NEGR1: variants seen among roughly 807,000 people sequenced by gnomAD.
NEGR1 encodes the protein neuronal growth regulator 1, also known as IgLON family member 4.
In NEGR1, 10 loss-of-function variants were observed where a neutral mutation model predicts 40.9. The ratio of observed to expected loss-of-function variants is 0.24; its 90% CI spans 0.15 to 0.42. The LOEUF is 0.42. NEGR1 is among the 10% of genes least tolerant of loss of function. The pLI is 1.00. For synonymous variants in NEGR1, 185 were observed against 166.8 expected (o/e 1.11, Z -0.84); for missense variants, 352 against 438.9 (o/e 0.80, Z 1.77).
chr1:71,474,224 A>C, intron 6 of NEGR1, among the ~76,000 whole-genome samples: 1 of 151,696 alleles, frequency 6.6e-6, no homozygotes, highest in Non-Finnish European at 1.5e-5. Context: ...AGAACACAGA[A>C]AGTGGTTTAT....
At chr1:71,659,627 A>C (rs1243302926) in intron 4 of NEGR1, among the ~76,000 whole-genome samples, 1 of 152,162 alleles carries the variant, frequency 6.6e-6, no homozygotes, top group Non-Finnish European at 1.5e-5. Flanking sequence ...TTAAATTTAC[A>C]AGAGAAGAAC....
At chr1:71,967,547 A>C (rs554547355) in intron 1 of NEGR1, among the ~76,000 whole-genome samples, 1 of 152,194 alleles carries the variant, frequency 6.6e-6, no homozygotes, top group African/African-American at 2.4e-5. Context: ...CATGATTATA[A>C]TTTTTATAGA....
At chr1:72,153,685 CAT>C (rs1651250935) in intron 1 of NEGR1, among the ~76,000 whole-genome samples, 1 of 151,832 alleles carries the variant, frequency 6.6e-6, no homozygotes, top group East Asian at 1.9e-4. Flanking sequence ...AGAAATTATT[CAT>C]AGACTCATTT....
intron 1 of NEGR1, among the ~76,000 whole-genome samples, chr1:72,251,148 T>C (rs1235926391): frequency 3.3e-5 from 5 of 152,216 alleles, no homozygotes; most frequent in Admixed American, 3.3e-4. Context: ...CTAGAAATTC[T>C]CTTGTGACTG....
intron 1 of NEGR1, among the ~76,000 whole-genome samples, chr1:72,223,601 A>C (rs1229914503): frequency 6.6e-6 from 1 of 152,116 alleles, no homozygotes; most frequent in African/African-American, 2.4e-5. Flanking sequence ...TCTCCTTATA[A>C]ATGCAAAAAG....
intron 1 of NEGR1, among the ~76,000 whole-genome samples, chr1:72,057,976 C>T (rs150830164): frequency 4.6e-4 from 70 of 151,624 alleles, no homozygotes; most frequent in African/African-American, 1.7e-3. Flanking sequence ...AAGATATGAG[C>T]TTTGAGGGAT....
At chr1:71,938,000 C>A (rs1359284939) in intron 1 of NEGR1, among the ~76,000 whole-genome samples, 1 of 151,980 alleles carries the variant, frequency 6.6e-6, no homozygotes, top group African/African-American at 2.4e-5. Context: ...AATTCAATTT[C>A]TTCATGATGA....
At chr1:72,244,605 T>C (rs1654846059) in intron 1 of NEGR1, among the ~76,000 whole-genome samples, 1 of 151,932 alleles carries the variant, frequency 6.6e-6, no homozygotes, top group African/African-American at 2.4e-5. Flanking sequence ...GTAGTTATGC[T>C]CTATGAAGTC....
At chr1:72,245,624 AAAT>A (rs1654878126) in intron 1 of NEGR1, among the ~76,000 whole-genome samples, 1 of 152,174 alleles carries the variant, frequency 6.6e-6, no homozygotes, top group Non-Finnish European at 1.5e-5. Context: ...GGCTGTAAGA[AAAT>A]AAAAATGTTT....
At chr1:72,234,338 G>C (rs143039133) in intron 1 of NEGR1, among the ~76,000 whole-genome samples, 1 of 151,984 alleles carries the variant, frequency 6.6e-6, no homozygotes. Flanking sequence ...TGGCTATATA[G>C]TATTCCATTC....
intron 4 of NEGR1, among the ~76,000 whole-genome samples, chr1:71,689,854 A>G (rs982903671): frequency 2.0e-5 from 3 of 151,606 alleles, no homozygotes; most frequent in African/African-American, 4.8e-5. Flanking sequence ...ATTAATTAAC[A>G]TTAAATAAAT....
intron 5 of NEGR1, among the ~76,000 whole-genome samples, chr1:71,597,682 G>A (rs1283808873): frequency 6.6e-6 from 1 of 151,668 alleles, no homozygotes; most frequent in African/African-American, 2.4e-5. Flanking sequence ...TGAGGCGGGT[G>A]GATCATTTGA....
intron 2 of NEGR1, among the ~76,000 whole-genome samples, chr1:71,815,883 G>A (rs1658187551): frequency 6.6e-6 from 1 of 151,894 alleles, no homozygotes; most frequent in African/African-American, 2.4e-5. Context: ...CTGATAAACT[G>A]GATCATGGTT....
chr1:71,989,750 T>A (rs967635584), intron 1 of NEGR1, among the ~76,000 whole-genome samples: 2 of 152,214 alleles, frequency 1.3e-5, no homozygotes, highest in African/African-American at 4.8e-5. Flanking sequence ...ACTTCTTTTT[T>A]AAATAAAATA....
chr1:71,820,857 G>T (rs1658405558), intron 2 of NEGR1, among the ~76,000 whole-genome samples: 1 of 151,924 alleles, frequency 6.6e-6, no homozygotes, highest in Non-Finnish European at 1.5e-5. Flanking sequence ...GAATGTAGAG[G>T]TATTTGTTCT....
At chr1:72,110,931 C>T (rs1259477369) in intron 1 of NEGR1, among the ~76,000 whole-genome samples, 1 of 151,208 alleles carries the variant, frequency 6.6e-6, no homozygotes, top group Non-Finnish European at 1.5e-5. Context: ...TCTTTGGGAA[C>T]ATGAAAACAA....
chr1:71,619,737 T>G (rs1382290731), intron 4 of NEGR1, among the ~76,000 whole-genome samples: 1 of 152,078 alleles, frequency 6.6e-6, no homozygotes, highest in African/African-American at 2.4e-5. Flanking sequence ...GAGTCTTCCT[T>G]TCTAATTTGC....
intron 6 of NEGR1, among the ~76,000 whole-genome samples, chr1:71,420,658 T>C (rs1035859570): frequency 1.1e-4 from 17 of 152,058 alleles, no homozygotes; most frequent in African/African-American, 3.9e-4. Flanking sequence ...TGTCGTTTTA[T>C]AGCCAGAAGA....
intron 2 of NEGR1, among the ~76,000 whole-genome samples, chr1:71,858,866 T>C (rs1189276478): frequency 1.3e-5 from 2 of 152,038 alleles, no homozygotes; most frequent in Non-Finnish European, 2.9e-5. Flanking sequence ...TTGTGGTTTT[T>C]TAAAACCAAA....
Sources: allele counts gnomAD v4.1 joint callset (sites outside exome capture counted in the v4.1 genomes callset), GRCh38; gene constraint gnomAD v4.1.1; transcripts MANE v1.5; gene names NCBI Gene and HGNC (gene_info 2026-07-23, HGNC 2026-07-21).